CDH2: variants seen among roughly 807,000 people sequenced by gnomAD.
The protein encoded by CDH2 is cadherin 2, also known as cadherin-2.
A neutral mutation model predicts 92.0 loss-of-function variants in CDH2; 17 were observed. The ratio of observed to expected loss-of-function variants is 0.18; its 90% CI spans 0.13 to 0.28. The LOEUF (loss-of-function observed/expected upper bound fraction) is 0.28. Among genes scored for constraint, CDH2 ranks in the 10% least tolerant of loss-of-function variants. CDH2 has a pLI of 1.00. For missense variants in CDH2, 862 were observed against 1,133.1 expected (o/e 0.76, Z 3.44); for synonymous variants, 419 against 415.9 (o/e 1.01, Z -0.09).
At chr18:28,124,572 C>T (rs1247549610) in intron 2 of CDH2, among the ~76,000 whole-genome samples, 1 of 152,158 alleles carries the variant, frequency 6.6e-6, no homozygotes, top group Non-Finnish European at 1.5e-5. Flanking sequence ...GGCTTTCCAC[C>T]TAGTCTTTCA....
At chr18:28,086,098 T>C (rs1270125748) in intron 2 of CDH2, among the ~76,000 whole-genome samples, 3 of 152,140 alleles carry the variant, frequency 2.0e-5, no homozygotes, top group East Asian at 3.9e-4. Flanking sequence ...AGGGAGAACG[T>C]CAACCTTCTA....
intron 2 of CDH2, among the ~76,000 whole-genome samples, chr18:28,142,420 C>T (rs560290160): frequency 1.3e-5 from 2 of 149,980 alleles, no homozygotes; most frequent in East Asian, 2.0e-4. Flanking sequence ...TAAAATACAT[C>T]GAAAGGGATA....
chr18:28,104,159 T>TTA (rs1159582595), intron 2 of CDH2, among the ~76,000 whole-genome samples: 5 of 152,316 alleles, frequency 3.3e-5, no homozygotes, highest in African/African-American at 1.2e-4. Context: ...TAAAACAGAC[T>TTA]TATGATGAAG....
chr18:28,042,855 G>A (rs1369278458), intron 2 of CDH2, among the ~76,000 whole-genome samples: 17 of 152,108 alleles, frequency 1.1e-4, no homozygotes, highest in Non-Finnish European at 1.5e-5. Flanking sequence ...GCCTCATACA[G>A]GGATGGAAGG....
intron 2 of CDH2, among the ~76,000 whole-genome samples, chr18:28,032,468 T>C (rs1375590008): frequency 6.6e-6 from 1 of 152,128 alleles, no homozygotes; most frequent in Non-Finnish European, 1.5e-5. Flanking sequence ...TACATTAACA[T>C]GTTTTTTACA....
rs191182344 is a variant in CDH2 at position 28,102,564 on chromosome 18, A to G, written c.172+45109T>C. On this transcript the variant is annotated intron_variant, in intron 2 of 15. Coordinates refer to ENST00000269141, the MANE Select transcript of CDH2 (RefSeq NM_001792.5). ...GACTGACAGTAGTTGGTGCCTTGGG[A>G]AAGAGCAATTGCAGAGCAGATTATT... Among the ~76,000 whole-genome samples, 25 of 152,302 alleles carry G rather than the reference A, an allele frequency of 1.6e-4. 1 individual carries two copies. The highest frequency in any genetic ancestry group is 5.5e-4 in the African/African-American group (23 of 41,580).
At chr18:27,941,608 T>C (rs1166618535) in intron 6 of CDH2, among the ~76,000 whole-genome samples, 2 of 152,322 alleles carry the variant, frequency 1.3e-5, no homozygotes, top group East Asian at 3.9e-4. Context: ...TGTTGCATGA[T>C]GACCTAATTT....
intron 2 of CDH2, among the ~76,000 whole-genome samples, chr18:28,107,877 G>C (rs7505676): frequency 6.6e-6 from 1 of 151,942 alleles, no homozygotes; most frequent in Non-Finnish European, 1.5e-5. Context: ...AAGGAAAAAA[G>C]AAAAAAGAAA....
chr18:27,992,998 C>A (rs1180391571), intron 8 of CDH2, among the ~76,000 whole-genome samples, 158 bp from the exon 9 acceptor site: 4 of 152,158 alleles, frequency 2.6e-5, no homozygotes, highest in Non-Finnish European at 5.9e-5. Context: ...GCATTTATGT[C>A]TGACTTTAAA....
At chr18:28,115,064 G>A (rs551410582) in intron 2 of CDH2, among the ~76,000 whole-genome samples, 8 of 152,234 alleles carry the variant, frequency 5.3e-5, no homozygotes, top group African/African-American at 1.7e-4. Flanking sequence ...GGAGGAGAAC[G>A]TTTCTTGCCT....
At chr18:28,030,508 CAACAA>C (rs1381320501) in intron 2 of CDH2, among the ~76,000 whole-genome samples, 2 of 151,850 alleles carry the variant, frequency 1.3e-5, no homozygotes, top group Non-Finnish European at 2.9e-5. Flanking sequence ...CAAACAACAA[CAACAA>C]AAGAAAAAAC....
chr18:28,147,639 A>G, intron 2 of CDH2, 34 bp downstream of exon 2: 1 of 1,282,408 alleles, frequency 7.8e-7, no homozygotes. Context: ...GAGCATGGAC[A>G]CTGCATGTAC....
At chr18:28,046,206 C>T (rs1045821662) in intron 2 of CDH2, among the ~76,000 whole-genome samples, 3 of 151,842 alleles carry the variant, frequency 2.0e-5, no homozygotes, top group Admixed American at 1.3e-4. Context: ...AGAGCAGCAC[C>T]AGAAAAAAAG....
chr18:28,093,233 T>A (rs1461278975), intron 2 of CDH2, among the ~76,000 whole-genome samples: 2 of 152,090 alleles, frequency 1.3e-5, no homozygotes, highest in Non-Finnish European at 2.9e-5. Flanking sequence ...ACACACAAAA[T>A]CTGGCATTTC....
chr18:27,941,189 C>T (rs1909131724), intron 6 of CDH2, among the ~76,000 whole-genome samples: 1 of 152,002 alleles, frequency 6.6e-6, no homozygotes, highest in Non-Finnish European at 1.5e-5. Context: ...GCACCCGCCA[C>T]CACGCCCAGC....
chr18:27,968,753 G>A (rs1268080587), intron 14 of CDH2, among the ~76,000 whole-genome samples: 3 of 152,048 alleles, frequency 2.0e-5, no homozygotes, highest in African/African-American at 7.3e-5. Context: ...TATAGATAAG[G>A]TAAACATTAA....
At chr18:28,047,252 C>A (rs1169406464) in intron 2 of CDH2, among the ~76,000 whole-genome samples, 1 of 152,132 alleles carries the variant, frequency 6.6e-6, no homozygotes, top group African/African-American at 2.4e-5. Context: ...AAATGAGATA[C>A]TGATTAAAAT....
At chr18:28,135,811 G>T (rs1361377755) in intron 2 of CDH2, among the ~76,000 whole-genome samples, 1 of 152,140 alleles carries the variant, frequency 6.6e-6, no homozygotes, top group Non-Finnish European at 1.5e-5. Context: ...TTTCATTAAG[G>T]TGGTCCATTA....
At chr18:28,160,319 G>C (rs551333066) in intron 1 of CDH2, among the ~76,000 whole-genome samples, 4 of 152,232 alleles carry the variant, frequency 2.6e-5, no homozygotes, top group African/African-American at 9.6e-5. Context: ...CCTTGGCAAT[G>C]GTCTAAGGTA....
Sources: gnomAD v4.1 joint callset for allele counts (sites outside exome capture counted in the v4.1 genomes callset) on GRCh38, gnomAD v4.1.1 for gene constraint, MANE v1.5 for transcripts, NCBI Gene and HGNC (gene_info 2026-07-23, HGNC 2026-07-21) for gene names.